The following CECR2 variants were observed in gnomAD, a reference collection of about 807,000 sequenced individuals.
CECR2 encodes the protein CECR2 histone acetyl-lysine reader.
Under a neutral mutation model 154.5 loss-of-function variants are expected in CECR2, and 30 were observed. The observed-to-expected ratio is 0.19, with a 90% CI of 0.15 to 0.26. CECR2 has a LOEUF of 0.26. Ranked by LOEUF, CECR2 falls within the 10% of genes least tolerant of loss-of-function variation. The pLI, the probability that CECR2 is intolerant of heterozygous loss-of-function variation, is 1.00. For missense variants in CECR2, 1,743 were observed against 1,829.3 expected (o/e 0.95, Z 0.86); for synonymous variants, 725 against 683.7 (o/e 1.06, Z -0.94).
At chr22:17,384,215 C>T (rs909952198) in intron 1 of CECR2, among the ~76,000 whole-genome samples, 2 of 152,162 alleles carry the variant, frequency 1.3e-5, no homozygotes, top group Non-Finnish European at 2.9e-5. Flanking sequence ...TCAGAAGAAT[C>T]ACTATCTATG....
intron 6 of CECR2, among the ~76,000 whole-genome samples, chr22:17,504,096 G>T (rs140261514): frequency 0.036 from 4,084 of 111,892 alleles, 80 homozygotes; most frequent in Non-Finnish European, 0.055. Flanking sequence ...AGTAGGCCAG[G>T]TGCAGTGGCT....
intron 1 of CECR2, among the ~76,000 whole-genome samples, chr22:17,474,090 GCTT>G (rs2055171051): frequency 6.6e-6 from 1 of 152,010 alleles, no homozygotes; most frequent in African/African-American, 2.4e-5. Context: ...AAGAGAAAAG[GCTT>G]TACTCTCCAG....
intron 1 of CECR2, among the ~76,000 whole-genome samples, chr22:17,384,520 G>T (rs2063236742): frequency 6.6e-6 from 1 of 152,202 alleles, no homozygotes; most frequent in Non-Finnish European, 1.5e-5. Context: ...GAGCTCTTGG[G>T]TGACAAAGTA....
chr22:17,536,704 C>T (rs1173762665), intron 9 of CECR2, among the ~76,000 whole-genome samples: 2 of 152,150 alleles, frequency 1.3e-5, no homozygotes, highest in Non-Finnish European at 2.9e-5. Context: ...GCGGATGTTG[C>T]TTTTTTTAAG....
chr22:17,453,231 C>T (rs989585861), intron 1 of CECR2, among the ~76,000 whole-genome samples: 6 of 152,100 alleles, frequency 3.9e-5, no homozygotes, highest in Admixed American at 1.3e-4. Flanking sequence ...CACCTGAGGT[C>T]GGGAGTTCAA....
intron 1 of CECR2, among the ~76,000 whole-genome samples, chr22:17,414,138 A>AC (rs2054114115): frequency 6.6e-6 from 1 of 150,990 alleles, no homozygotes; most frequent in Non-Finnish European, 1.5e-5. Context: ...ACGCCTGGCT[A>AC]ATTTTTTGTA....
chr22:17,405,024 T>G (rs550984814), intron 1 of CECR2, among the ~76,000 whole-genome samples: 2 of 152,298 alleles, frequency 1.3e-5, no homozygotes, highest in African/African-American at 4.8e-5. Flanking sequence ...CAGAAAAGTT[T>G]TATATTCAAA....
rs1349351366 is a variant in CECR2, at chr22:17,497,438, T to C, written c.257T>C (p.Ile86Thr). The change falls in exon 3 of 19, where the codon ATC becomes ACC. Residue 86 changes from isoleucine to threonine, a missense_variant. Physicochemically the swap from Ile to Thr is moderately conservative, Grantham distance 89 (BLOSUM62 -1). Transcript: ENST00000262608. ...QTFHSYLEDI[I>T]NYRWELEEGK... ...TTCCACAGCTACCTAGAGGACATCA[T>C]CAACTACCGCTGGGAGCTCGAAGAA... The C allele has an allele frequency of 6.2e-7, 1 of 1,613,888 alleles. No homozygotes were observed. The highest frequency in any genetic ancestry group is 8.5e-7 in the Non-Finnish European group (1 of 1,179,854).
intron 1 of CECR2, among the ~76,000 whole-genome samples, chr22:17,448,356 CAT>C (rs1159688880): frequency 6.6e-6 from 1 of 152,082 alleles, no homozygotes; most frequent in African/African-American, 2.4e-5. Flanking sequence ...ATTCTTTTAT[CAT>C]TAAGTTTTTG....
intron 16 of CECR2, among the ~76,000 whole-genome samples, chr22:17,545,143 C>G (rs1025091383): frequency 7.9e-5 from 12 of 151,194 alleles, no homozygotes; most frequent in African/African-American, 2.4e-4. Flanking sequence ...GGGAGGCTGA[C>G]GCGGGTGGAT....
chr22:17,548,227 C>A lies in CECR2; in HGVS notation c.2940C>A (p.His980Gln), dbSNP rs1390902820. 1 of 1,595,776 alleles carries A rather than the reference C, an allele frequency of 6.3e-7. No individual in the cohort carries two copies. The highest frequency in any genetic ancestry group is 8.5e-7 in the Non-Finnish European group (1 of 1,171,184). The change falls in exon 17 of 19, where the codon CAC (histidine) becomes CAA (glutamine). Residue 980 changes from histidine (H) to glutamine (Q), a missense_variant. By Grantham distance (24) the His-to-Gln change is conservative. Around this residue, in one of 4 missense-constraint regions of CECR2, gnomAD observed 1,250 missense variants for 1,192.1 expected, o/e 1.05. Coordinates refer to ENST00000262608, the MANE Select transcript of CECR2 (RefSeq NM_001290047.2). ...SEGVYLTQLP[H>Q]PTPPLQTDCT... The stretch of plus-strand genomic sequence containing the variant: ...GGGTCTACCTCACACAACTACCTCA[C>A]CCCACACCTCCCCTGCAGACTGACT...
At chr22:17,424,083 A>G (rs529800614) in intron 1 of CECR2, among the ~76,000 whole-genome samples, 25 of 152,044 alleles carry the variant, frequency 1.6e-4, no homozygotes, top group Non-Finnish European at 2.9e-4. Context: ...AAATATTTTT[A>G]TATTATGTTA....
At chr22:17,524,790 G>T in intron 9 of CECR2, 1 of 299,838 alleles carries the variant, frequency 3.3e-6, no homozygotes, top group South Asian at 2.3e-5. Flanking sequence ...CTCTGCCTCA[G>T]CCTCCCGAGT....
At chr22:17,457,608 C>T (rs2054874558) in intron 1 of CECR2, among the ~76,000 whole-genome samples, 1 of 152,276 alleles carries the variant, frequency 6.6e-6, no homozygotes, top group Middle Eastern at 3.4e-3. Context: ...CATGAGTGCT[C>T]AGTAAACATT....
intron 7 of CECR2, among the ~76,000 whole-genome samples, chr22:17,506,433 C>T (rs536192434): frequency 6.5e-4 from 99 of 152,274 alleles, no homozygotes; most frequent in Non-Finnish European, 9.9e-4. Context: ...GGCCCCCTCT[C>T]TACTTCCTTA....
intron 1 of CECR2, among the ~76,000 whole-genome samples, chr22:17,464,760 C>T (rs1207637177): frequency 6.6e-6 from 1 of 152,108 alleles, no homozygotes; most frequent in African/African-American, 2.4e-5. Context: ...TTCAGTCCCC[C>T]AAAGCACTAG....
intron 1 of CECR2, among the ~76,000 whole-genome samples, chr22:17,403,395 G>T (rs918465543): frequency 6.6e-6 from 1 of 152,168 alleles, no homozygotes; most frequent in Non-Finnish European, 1.5e-5. Context: ...GTATTTGCTT[G>T]TAAGTGTGTG....
chr22:17,416,596 G>T (rs144674246), intron 1 of CECR2, among the ~76,000 whole-genome samples: 159 of 152,240 alleles, frequency 1.0e-3, no homozygotes, highest in African/African-American at 3.5e-3. Context: ...CACTGTCTTG[G>T]GTTCAAGCAA....
intron 7 of CECR2, 68 bp downstream of exon 7, chr22:17,505,084 C>A: frequency 1.4e-6 from 2 of 1,455,578 alleles, no homozygotes; most frequent in African/African-American, 1.4e-5. Flanking sequence ...AAGGATTATT[C>A]ATGAGACCTT....
Sources: gnomAD v4.1 joint callset for allele counts (sites outside exome capture counted in the v4.1 genomes callset) on GRCh38, gnomAD v4.1.1 for gene constraint, gnomAD v4.1.1 regional missense constraint, MANE v1.5 for transcripts, NCBI Gene and HGNC (gene_info 2026-07-23, HGNC 2026-07-21) for gene names.